The following HIVEP2 variants were observed in gnomAD, a reference collection of about 807,000 sequenced individuals.
HIVEP2 encodes HIVEP zinc finger 2.
A neutral mutation model predicts 180.7 loss-of-function variants in HIVEP2; 14 were observed. That is an observed-to-expected ratio of 0.08 (90% CI 0.05 to 0.12). HIVEP2 has a LOEUF of 0.12. HIVEP2 is among the 10% of genes least tolerant of loss of function. HIVEP2 has a pLI of 1.00. For missense variants in HIVEP2, 2,579 were observed against 3,008.5 expected (o/e 0.86, Z 3.34); for synonymous variants, 1,184 against 1,136.4 (o/e 1.04, Z -0.84).
intron 1 of HIVEP2, among the ~76,000 whole-genome samples, chr6:142,918,860 A>C (rs1360481386): frequency 6.6e-6 from 1 of 152,238 alleles, no homozygotes; most frequent in Non-Finnish European, 1.5e-5. Context: ...CATGTAACCA[A>C]GTCTGAAGTC....
intron 2 of HIVEP2, among the ~76,000 whole-genome samples, chr6:142,808,966 C>A (rs780653232): frequency 1.3e-5 from 2 of 152,074 alleles, no homozygotes; most frequent in African/African-American, 4.8e-5. Context: ...CTCTTCTCTT[C>A]CTTATTAAAT....
chr6:142,766,317 T>A (rs1486233739), intron 6 of HIVEP2, among the ~76,000 whole-genome samples: 1 of 152,206 alleles, frequency 6.6e-6, no homozygotes, highest in Non-Finnish European at 1.5e-5. Context: ...TGTCTTCCGT[T>A]CCTTTAAATT....
In HIVEP2 at chr6:142,770,867, T is replaced by C. The variant is rs1775520053; in HGVS notation, c.3872A>G (p.Lys1291Arg). ...TGATGGAAACTTTGGAAGAAGGTTC[T>C]TTGGGTGTAGCCCTGATGCTCCTGA... ...CYSGASGLHP[K>R]NLLPKFPSDQ... The change falls in exon 5 of 10, where the codon AAG becomes AGG. Residue 1291 changes from lysine (K) to arginine (R), a missense_variant. This residue lies in a region of HIVEP2 where 523 missense variants were observed against 577.0 expected (regional missense o/e 0.91). Transcript: ENST00000367603. This position sits in a 1 kb window ranked among gnomAD's most constrained non-coding sequence, Gnocchi z 4.7. 2 of 1,614,238 alleles carry C rather than the reference T, an allele frequency of 1.2e-6. No homozygotes were observed. Among genetic ancestry groups the C allele is most frequent in the African/African-American group, 1.3e-5 (1 of 75,062 alleles).
chr6:142,925,741 T>G (rs940103959), intron 1 of HIVEP2, among the ~76,000 whole-genome samples: 2 of 152,258 alleles, frequency 1.3e-5, no homozygotes, highest in African/African-American at 4.8e-5. Context: ...AGCGGTTAGC[T>G]TCATGACTCA....
In HIVEP2 at chr6:142,771,946, G is replaced by C. The variant is rs202053743; in HGVS notation, c.2793C>G (p.Pro931=). The stretch of plus-strand genomic sequence containing the variant: ...TCTTTTTGGGTGGCAACTTCTCCGC[G>C]GGGAGCTGGGAAAGGGTCTCACTTC... The part of the protein sequence containing the change: ...PQRSETLSQL[P]AEKLPPKKKR... Residue 931 remains proline, a synonymous_variant, in exon 5 of 10, where the codon CCC becomes CCG. Transcript: ENST00000367603. The surrounding 1 kb of genome is among the most constrained non-coding windows in gnomAD (Gnocchi z 5.4). The C allele has an allele frequency of 6.1e-5, 98 of 1,614,014 alleles. No homozygotes were observed. The highest frequency in any genetic ancestry group is 7.6e-5 in the Non-Finnish European group (90 of 1,180,034).
At chr6:142,924,855 A>C (rs1440722726) in intron 1 of HIVEP2, among the ~76,000 whole-genome samples, 1 of 152,250 alleles carries the variant, frequency 6.6e-6, no homozygotes, top group South Asian at 2.1e-4. Context: ...GATTCAACTA[A>C]TAAGTCTAAG....
chr6:142,845,847 C>T (rs1485036625), intron 1 of HIVEP2, among the ~76,000 whole-genome samples: 7 of 152,136 alleles, frequency 4.6e-5, no homozygotes, highest in African/African-American at 1.4e-4. Flanking sequence ...CTCCCCCGGA[C>T]AACAAGCTGG....
At chr6:142,911,242 T>A (rs1777397773) in intron 1 of HIVEP2, among the ~76,000 whole-genome samples, 1 of 151,428 alleles carries the variant, frequency 6.6e-6, no homozygotes, top group African/African-American at 2.4e-5. Context: ...AGCCTAGGAC[T>A]GAACAGAATA....
intron 1 of HIVEP2, among the ~76,000 whole-genome samples, chr6:142,911,890 A>G (rs1777419001): frequency 6.6e-6 from 1 of 152,212 alleles, no homozygotes; most frequent in South Asian, 2.1e-4. Context: ...TCATCATTTC[A>G]TAATTAATGA....
intron 1 of HIVEP2, among the ~76,000 whole-genome samples, chr6:142,870,001 C>G (rs1207723107): frequency 6.6e-6 from 1 of 152,072 alleles, no homozygotes; most frequent in East Asian, 1.9e-4. Flanking sequence ...ATGCAAGCCT[C>G]ACTCAGAGGC....
In HIVEP2 at chr6:142,764,857, G is replaced by T; in HGVS notation, c.5460C>A (p.Thr1820=). The T allele has an allele frequency of 6.2e-7, 1 of 1,613,736 alleles. No homozygotes were observed. Among genetic ancestry groups the T allele is most frequent in the Non-Finnish European group, 8.5e-7 (1 of 1,179,734 alleles). ...KPSMLKKHIR[T]HTDVRPYVCK... is the part of the protein sequence containing the mutation. ...ATACATAAGGCCGAACATCAGTATG[G>T]GTACGGATGTGTTTTTTGAGCATGC... The change falls in exon 7 of 10, where the codon ACC becomes ACA. Residue 1820 remains threonine (T), a synonymous_variant. Coordinates refer to ENST00000367603, the MANE Select transcript of HIVEP2 (RefSeq NM_006734.4).
intron 7 of HIVEP2, among the ~76,000 whole-genome samples, chr6:142,762,774 A>C (rs368752590): frequency 9.2e-5 from 14 of 152,240 alleles, no homozygotes; most frequent in Admixed American, 9.2e-4. Flanking sequence ...GTTGTTTATT[A>C]TTTTACTCAT....
chr6:142,921,549 T>G (rs1012969476), intron 1 of HIVEP2, among the ~76,000 whole-genome samples: 6 of 152,256 alleles, frequency 3.9e-5, no homozygotes, highest in Non-Finnish European at 8.8e-5. Context: ...GAAAAGAGGA[T>G]AACACATGTA....
intron 2 of HIVEP2, among the ~76,000 whole-genome samples, chr6:142,816,593 C>T (rs1304441602): frequency 6.6e-6 from 1 of 152,206 alleles, no homozygotes; most frequent in Non-Finnish European, 1.5e-5. Context: ...TCTGGCATTT[C>T]TCGTTCTTCA....
chr6:142,881,824 T>C (rs1776580345), intron 1 of HIVEP2, among the ~76,000 whole-genome samples: 4 of 152,162 alleles, frequency 2.6e-5, no homozygotes, highest in Admixed American at 2.6e-4. Flanking sequence ...AAAGCCACCA[T>C]TCAACATGAG....
intron 1 of HIVEP2, among the ~76,000 whole-genome samples, chr6:142,918,763 A>G (rs549439272): frequency 1.2e-3 from 182 of 152,352 alleles, no homozygotes; most frequent in African/African-American, 3.8e-3. Context: ...AAGAGCCTTA[A>G]GTTATATAAA....
chr6:142,781,067 T>C (rs1775846993), intron 3 of HIVEP2, among the ~76,000 whole-genome samples: 1 of 152,218 alleles, frequency 6.6e-6, no homozygotes, highest in South Asian at 2.1e-4. Context: ...AATGTACCAT[T>C]GTATCTACCT....
At chr6:142,802,445 A>G (rs1776436809) in intron 2 of HIVEP2, among the ~76,000 whole-genome samples, 1 of 152,150 alleles carries the variant, frequency 6.6e-6, no homozygotes, top group Admixed American at 6.6e-5. Context: ...TGCCACCCTC[A>G]TACTCGAAAT....
intron 2 of HIVEP2, among the ~76,000 whole-genome samples, chr6:142,797,362 A>C (rs1284113151): frequency 2.0e-5 from 3 of 152,172 alleles, no homozygotes; most frequent in African/African-American, 7.2e-5. Flanking sequence ...ACATGGAACA[A>C]ATAGTTGTAA....
Sources: allele counts gnomAD v4.1 joint callset (sites outside exome capture counted in the v4.1 genomes callset), GRCh38; gene constraint gnomAD v4.1.1; regional missense constraint gnomAD v4.1.1; non-coding constraint Gnocchi (gnomAD v3.1); transcripts MANE v1.5; gene names NCBI Gene and HGNC (gene_info 2026-07-23, HGNC 2026-07-21).